The following YWHAE variants were observed in gnomAD, a reference collection of about 807,000 sequenced individuals.
YWHAE encodes 14-3-3 protein epsilon.
YWHAE carries 4 observed loss-of-function variants against 30.1 expected under a neutral mutation model. The ratio of observed to expected loss-of-function variants is 0.13; its 90% CI spans 0.07 to 0.30. The LOEUF (loss-of-function observed/expected upper bound fraction) is 0.30, where lower values mean the gene tolerates loss of function less well. YWHAE is among the 10% of genes least tolerant of loss of function. The pLI, the probability that YWHAE is intolerant of heterozygous loss-of-function variation, is 1.00. For missense variants in YWHAE, 121 were observed against 315.9 expected (o/e 0.38, Z 4.68); for synonymous variants, 118 against 111.8 (o/e 1.06, Z -0.35).
chr17:1,378,240 C>A (rs559959352), intron 1 of YWHAE, among the ~76,000 whole-genome samples: 1 of 152,328 alleles, frequency 6.6e-6, no homozygotes, highest in East Asian at 1.9e-4. Flanking sequence ...CTTCTGACCC[C>A]ATGAAATAAC....
chr17:1,354,978 T>G (rs1240881198), intron 4 of YWHAE, among the ~76,000 whole-genome samples: 1 of 74,638 alleles, frequency 1.3e-5, no homozygotes, highest in South Asian at 3.5e-4. Context: ...TTTTTTTTTT[T>G]TTTTTTTTTT....
At chr17:1,372,546 C>G (rs12939838) in intron 1 of YWHAE, among the ~76,000 whole-genome samples, 37,371 of 152,104 alleles carry the variant, frequency 0.25, 5,337 homozygotes, top group African/African-American at 0.39. Flanking sequence ...AAGTGAGAGA[C>G]TGGGACTCTT....
chr17:1,380,869 C>CCTA, intron 1 of YWHAE, among the ~76,000 whole-genome samples: 1 of 152,176 alleles, frequency 6.6e-6, no homozygotes, highest in African/African-American at 2.4e-5. Flanking sequence ...TAATGTCTCA[C>CCTA]CTACTATTCA....
At chr17:1,362,284 G>A (rs1438356575) in intron 2 of YWHAE, among the ~76,000 whole-genome samples, 2 of 152,028 alleles carry the variant, frequency 1.3e-5, no homozygotes, top group Non-Finnish European at 2.9e-5. Context: ...CAGTACCACA[G>A]TACAGCTACA....
intron 1 of YWHAE, among the ~76,000 whole-genome samples, chr17:1,381,436 G>A (rs1419297251): frequency 2.0e-5 from 3 of 152,128 alleles, no homozygotes; most frequent in Admixed American, 6.5e-5. Flanking sequence ...TTGAACCCGG[G>A]AGGTGGAGGT....
intron 1 of YWHAE, among the ~76,000 whole-genome samples, chr17:1,375,593 T>C (rs187125591): frequency 2.6e-5 from 4 of 152,322 alleles, no homozygotes; most frequent in African/African-American, 9.6e-5. Context: ...GGACTTTTCA[T>C]GGTTTGGGGA....
In YWHAE at chr17:1,352,531, T is replaced by C. The variant is rs8074472; in HGVS notation, c.715+1680A>G. Among the ~76,000 whole-genome samples, 965 of 115,234 alleles carry C rather than the reference T, an allele frequency of 8.4e-3. 5 individuals carry two copies. Among genetic ancestry groups the C allele is most frequent in the Non-Finnish European group, 0.014 (696 of 48,038 alleles). 75.6% of individuals were successfully genotyped at this position (115,234 alleles called of 152,430 possible). Reference sequence around the variant, plus strand: ...TTTCAGCCTAAGAAACGTTATCTCTTTTTTTTTTTTTTAGATGGAGTCTTC... The same window carrying C: ...TTTCAGCCTAAGAAACGTTATCTCTCTTTTTTTTTTTTAGATGGAGTCTTC... On this transcript the variant is annotated intron_variant, in intron 5 of 5. Coordinates refer to ENST00000264335, the MANE Select transcript of YWHAE (RefSeq NM_006761.5).
chr17:1,373,387 G>A (rs764337537), intron 1 of YWHAE, among the ~76,000 whole-genome samples: 9 of 151,616 alleles, frequency 5.9e-5, no homozygotes, highest in Non-Finnish European at 1.0e-4. Flanking sequence ...GTTTGAGGCC[G>A]GGCGAGGTGG....
chr17:1,366,631 G>A (rs180693230), intron 1 of YWHAE, among the ~76,000 whole-genome samples: 3 of 152,220 alleles, frequency 2.0e-5, no homozygotes, highest in Admixed American at 2.0e-4. Flanking sequence ...GTATGAAAGA[G>A]ATGGTGACTT....
At chr17:1,393,187 A>G (rs1158870766) in intron 1 of YWHAE, among the ~76,000 whole-genome samples, 2 of 146,984 alleles carry the variant, frequency 1.4e-5, no homozygotes, top group East Asian at 1.9e-4. Flanking sequence ...TTAAAAACAT[A>G]CAAACAAACA....
intron 4 of YWHAE, among the ~76,000 whole-genome samples, chr17:1,357,531 G>C (rs905534183): frequency 1.3e-5 from 2 of 151,868 alleles, no homozygotes; most frequent in African/African-American, 4.8e-5. Context: ...AGTGAGCTGA[G>C]ATCACGCCAC....
intron 1 of YWHAE, among the ~76,000 whole-genome samples, chr17:1,365,348 T>C (rs1425566497): frequency 1.3e-5 from 2 of 152,082 alleles, no homozygotes; most frequent in Non-Finnish European, 2.9e-5. Flanking sequence ...ATAAGGTAAT[T>C]AGGCACACCT....
At chr17:1,378,044 C>A (rs1259613212) in intron 1 of YWHAE, among the ~76,000 whole-genome samples, 3 of 152,266 alleles carry the variant, frequency 2.0e-5, no homozygotes, top group Admixed American at 1.3e-4. Flanking sequence ...GGTGAGACTC[C>A]GTCTCAAAAT....
chr17:1,399,099 T>G (rs1472191620), intron 1 of YWHAE: 2 of 152,046 alleles, frequency 1.3e-5, no homozygotes, highest in African/African-American at 4.8e-5. Flanking sequence ...GTCATCACGG[T>G]GCGCACAAAC....
intron 1 of YWHAE, among the ~76,000 whole-genome samples, chr17:1,391,173 A>G (rs2073384532): frequency 6.6e-6 from 1 of 152,152 alleles, no homozygotes; most frequent in Admixed American, 6.6e-5. Flanking sequence ...AGCAAGCTCT[A>G]TTTTCAGCAA....
Position 1,353,210 on chromosome 17 carries a change from G to A in YWHAE, c.715+1001C>T, listed in dbSNP as rs147902497. 6.6e-5 allele frequency among the ~76,000 whole-genome samples: 10 copies of A among 152,086 alleles called. No individual in the cohort carries two copies. In the South Asian group the frequency reaches 8.3e-4, roughly 13 times the overall value. On this transcript the variant is annotated intron_variant, in intron 5 of 5. Coordinates refer to ENST00000264335, the MANE Select transcript of YWHAE (RefSeq NM_006761.5). ...TCCCAGCACTTTGGGAGGCCGAGGCGGGTGGATCACAAGGTTAGGAGATCG... is the reference window on the plus strand; with the variant it reads ...TCCCAGCACTTTGGGAGGCCGAGGCAGGTGGATCACAAGGTTAGGAGATCG...
chr17:1,345,432 T>C lies in YWHAE; in HGVS notation c.*15A>G. ...AGGGGGTGGTCAGAGATGGTTTCTC[T>C]TGTTGGCTTATGTCTCACTGATTTT... On this transcript the variant is annotated 3_prime_UTR_variant, in exon 6 of 6. Coordinates refer to ENST00000264335, the MANE Select transcript of YWHAE (RefSeq NM_006761.5). 1 of 1,613,860 alleles carries C rather than the reference T, an allele frequency of 6.2e-7. No homozygotes were observed. The highest frequency in any genetic ancestry group is 1.3e-5 in the African/African-American group (1 of 75,016).
At chr17:1,377,747 T>C (rs771148034) in intron 1 of YWHAE, among the ~76,000 whole-genome samples, 73 of 151,622 alleles carry the variant, frequency 4.8e-4, no homozygotes, top group Non-Finnish European at 9.3e-4. Context: ...CTCAAATGTC[T>C]TACTATGTAA....
intron 2 of YWHAE, among the ~76,000 whole-genome samples, chr17:1,363,310 G>GC (rs1479926407): frequency 6.6e-6 from 1 of 152,090 alleles, no homozygotes; most frequent in African/African-American, 2.4e-5. Context: ...TGCCAAGGCT[G>GC]GATGGAGTGC....
Sources: allele counts gnomAD v4.1 joint callset (sites outside exome capture counted in the v4.1 genomes callset), GRCh38; gene constraint gnomAD v4.1.1; transcripts MANE v1.5; gene names NCBI Gene and HGNC (gene_info 2026-07-23, HGNC 2026-07-21).